DPP6: variants seen among roughly 807,000 people sequenced by gnomAD.
DPP6 encodes A-type potassium channel modulatory protein DPP6.
DPP6 carries 69 observed loss-of-function variants against 122.6 expected under a neutral mutation model. The ratio of observed to expected loss-of-function variants is 0.56; its 90% CI spans 0.46 to 0.69. The LOEUF (loss-of-function observed/expected upper bound fraction) is 0.69, where lower values mean the gene tolerates loss of function less well. Among genes scored for constraint, DPP6 ranks in the 30% least tolerant of loss-of-function variants. DPP6 has a pLI of 0.00. For synonymous variants in DPP6, 418 were observed against 433.1 expected, an observed-to-expected ratio of 0.97 and a Z score of 0.43; for missense variants, 928 against 1,116.9, an observed-to-expected ratio of 0.83 and a Z score of 2.41.
intron 6 of DPP6, among the ~76,000 whole-genome samples, chr7:154,645,565 C>A (rs1563054609): frequency 2.6e-5 from 4 of 152,250 alleles, no homozygotes; most frequent in Non-Finnish European, 1.5e-5. Flanking sequence ...GGGCGTAAAT[C>A]CCCAGTCTTC....
At chr7:154,880,026 A>G (rs190478054) in intron 20 of DPP6, among the ~76,000 whole-genome samples, 9 of 152,238 alleles carry the variant, frequency 5.9e-5, no homozygotes, top group Non-Finnish European at 1.5e-5. Flanking sequence ...AAGAAATTAT[A>G]TTTTCTCCTC....
At chr7:153,816,142 T>A in the DPP6 span, among the ~76,000 whole-genome samples, 1 of 151,866 alleles carries the variant, frequency 6.6e-6, no homozygotes, top group Admixed American at 6.6e-5. Context: ...GATAAATAAT[T>A]ATTATCTCAA....
intron 1 of DPP6, among the ~76,000 whole-genome samples, chr7:154,364,003 G>GCACA (rs1215796320): frequency 3.9e-5 from 6 of 152,208 alleles, no homozygotes; most frequent in Non-Finnish European, 7.3e-5. Context: ...GGGCGGTGGG[G>GCACA]AGTGTGTTGT....
At chr7:154,854,824 A>G (rs555830706) in intron 17 of DPP6, among the ~76,000 whole-genome samples, 1 of 152,302 alleles carries the variant, frequency 6.6e-6, no homozygotes, top group Non-Finnish European at 1.5e-5. Context: ...CTGAGAAGCA[A>G]AGAGAACTCG....
intron 1 of DPP6, among the ~76,000 whole-genome samples, chr7:154,365,636 T>C (rs554960640): frequency 1.3e-5 from 2 of 152,254 alleles, no homozygotes; most frequent in African/African-American, 2.4e-5. Flanking sequence ...GGTCTTGCGG[T>C]TCACATTCAC....
chr7:154,617,457 A>C (rs1224542282), intron 5 of DPP6, among the ~76,000 whole-genome samples: 3 of 152,230 alleles, frequency 2.0e-5, no homozygotes, highest in African/African-American at 4.8e-5. Flanking sequence ...CGATTGTGCG[A>C]ATAGGTCATA....
intron 6 of DPP6, among the ~76,000 whole-genome samples, chr7:154,665,031 C>G (rs1389972682): frequency 6.6e-6 from 1 of 152,136 alleles, no homozygotes; most frequent in Non-Finnish European, 1.5e-5. Flanking sequence ...TTTAGATGTT[C>G]TTTCTTCTTA....
At chr7:154,412,802 C>T (rs1341116720) in intron 1 of DPP6, among the ~76,000 whole-genome samples, 4 of 152,212 alleles carry the variant, frequency 2.6e-5, no homozygotes, top group African/African-American at 4.8e-5. Flanking sequence ...CTCTGCCCTG[C>T]CCAGGGCACA....
At chr7:153,856,130 G>T in the DPP6 span, among the ~76,000 whole-genome samples, 1 of 152,144 alleles carries the variant, frequency 6.6e-6, no homozygotes, top group African/African-American at 2.4e-5. Context: ...TGGAAATGAG[G>T]CACCTCACTG....
chr7:154,221,204 G>A (rs1193324858), intron 1 of DPP6, among the ~76,000 whole-genome samples: 2 of 152,002 alleles, frequency 1.3e-5, no homozygotes, highest in Admixed American at 6.6e-5. Context: ...GCAGTGGTAC[G>A]ACCTCGGCTC....
Position 154,372,506 on chromosome 7 carries a change from G to A in DPP6, c.244-73708G>A, listed in dbSNP as rs528030455. Among the ~76,000 whole-genome samples the A allele has an allele frequency of 4.6e-5, 7 of 152,292 alleles. No homozygotes were observed. The East Asian group carries it at 7.7e-4, about 17-fold the overall frequency. On this transcript the variant is annotated intron_variant, in intron 1 of 25. Coordinates refer to ENST00000377770, the MANE Select transcript of DPP6 (RefSeq NM_130797.4). Reference sequence around the variant, plus strand: ...CTAGCCCAGCTCCCAGACTGGGGTCGCCCTGGATGACAGCATCACCCTTGT... The same window carrying A: ...CTAGCCCAGCTCCCAGACTGGGGTCACCCTGGATGACAGCATCACCCTTGT...
intron 1 of DPP6, among the ~76,000 whole-genome samples, chr7:153,956,920 G>A (rs953466499): frequency 6.6e-6 from 1 of 152,148 alleles, no homozygotes; most frequent in Admixed American, 6.5e-5. Context: ...ACTGCCTTTG[G>A]TAGCAAGGCT....
At chr7:154,553,555 G>A (rs1325248802) in intron 4 of DPP6, among the ~76,000 whole-genome samples, 1 of 152,126 alleles carries the variant, frequency 6.6e-6, no homozygotes, top group Non-Finnish European at 1.5e-5. Flanking sequence ...GTGAGCTTCA[G>A]TACTTTATTA....
chr7:154,058,677 G>T (rs1015327037), intron 1 of DPP6: 16 of 149,394 alleles, frequency 1.1e-4, no homozygotes, highest in Admixed American at 5.3e-4. Flanking sequence ...GACTGCGGGT[G>T]GTAGGTGTCC....
At chr7:154,167,879 T>C (rs1017015025) in intron 1 of DPP6, among the ~76,000 whole-genome samples, 7 of 152,226 alleles carry the variant, frequency 4.6e-5, no homozygotes, top group Non-Finnish European at 1.0e-4. Context: ...GCCTGCAGGC[T>C]CAGAGTGTAT....
intron 1 of DPP6, chr7:154,305,661 G>A: frequency 4.1e-6 from 6 of 1,448,276 alleles, no homozygotes; most frequent in Non-Finnish European, 5.6e-6. Flanking sequence ...TGTATTTGGG[G>A]AAGAATTTTG....
At chr7:153,939,634 G>A (rs1169179769) in intron 1 of DPP6, among the ~76,000 whole-genome samples, 1 of 152,218 alleles carries the variant, frequency 6.6e-6, no homozygotes, top group East Asian at 1.9e-4. Context: ...CCATTTATTT[G>A]AATGTGTCAA....
chr7:154,354,893 T>C (rs1477687371), intron 1 of DPP6, among the ~76,000 whole-genome samples: 1 of 152,242 alleles, frequency 6.6e-6, no homozygotes, highest in Non-Finnish European at 1.5e-5. Flanking sequence ...GGTTGTGAGC[T>C]ATGAACATGT....
the DPP6 span, among the ~76,000 whole-genome samples, chr7:153,795,124 T>G: frequency 6.6e-6 from 1 of 152,230 alleles, no homozygotes; most frequent in Non-Finnish European, 1.5e-5. Flanking sequence ...CCTTTTAATA[T>G]TTATAGAATC....
Sources: gnomAD v4.1 joint callset for allele counts (sites outside exome capture counted in the v4.1 genomes callset) on GRCh38, gnomAD v4.1.1 for gene constraint, MANE v1.5 for transcripts, NCBI Gene and HGNC (gene_info 2026-07-23, HGNC 2026-07-21) for gene names.